Variants in PCDH7 observed in about 807,000 individuals in gnomAD.
PCDH7 encodes protocadherin-7.
Under a neutral mutation model 58.9 loss-of-function variants are expected in PCDH7, and 17 were observed. That is an observed-to-expected ratio of 0.29 (90% CI 0.20 to 0.43). The LOEUF is 0.43. Ranked by LOEUF, PCDH7 falls within the 20% of genes least tolerant of loss-of-function variation. The pLI is 1.00. For missense variants in PCDH7, 1,274 were observed against 1,441.0 expected (o/e 0.88, Z 1.88); for synonymous variants, 664 against 616.4 (o/e 1.08, Z -1.14).
chr4:30,790,518 G>T (rs1723977177), intron 1 of PCDH7, among the ~76,000 whole-genome samples: 1 of 152,190 alleles, frequency 6.6e-6, no homozygotes, highest in Non-Finnish European at 1.5e-5. Flanking sequence ...ATAACCAGTA[G>T]CTTGATGGAT....
At chr4:30,737,146 C>G (rs1577595322), downstream of PCDH7, among the ~76,000 whole-genome samples, 1 of 152,140 alleles carries the variant, frequency 6.6e-6, no homozygotes, top group Non-Finnish European at 1.5e-5. Flanking sequence ...AAGTCCCGTT[C>G]AAGTCTTGAA....
intron 3 of PCDH7, among the ~76,000 whole-genome samples, chr4:31,119,489 G>A (rs1022340697): frequency 3.3e-5 from 5 of 151,980 alleles, no homozygotes; most frequent in East Asian, 1.9e-4. Flanking sequence ...TTGACTCAGG[G>A]GCATAAGGCA....
chr4:31,088,225 TG>T (rs1712731781), intron 3 of PCDH7, among the ~76,000 whole-genome samples: 1 of 152,000 alleles, frequency 6.6e-6, no homozygotes, highest in Admixed American at 6.6e-5. Context: ...GAGCATCCAT[TG>T]GGGACATTGT....
chr4:30,824,107 C>CTTTCTTTCTTTCTTTT (rs1728755142), intron 1 of PCDH7, among the ~76,000 whole-genome samples: 1 of 136,738 alleles, frequency 7.3e-6, no homozygotes, highest in African/African-American at 2.8e-5. Context: ...TTCTTTCTTT[C>CTTTCTTTCTTTCTTTT]TTTCTTTCTT....
chr4:30,988,464 T>C (rs1248467996), intron 3 of PCDH7, among the ~76,000 whole-genome samples: 1 of 152,222 alleles, frequency 6.6e-6, no homozygotes, highest in Non-Finnish European at 1.5e-5. Context: ...ACATTTTCCA[T>C]ATGCACTGTC....
At chr4:30,799,657 C>T (rs993021580) in intron 1 of PCDH7, among the ~76,000 whole-genome samples, 5 of 151,962 alleles carry the variant, frequency 3.3e-5, no homozygotes, top group Admixed American at 2.0e-4. Context: ...ATTGCTGTTA[C>T]TCATGATGTG....
intron 3 of PCDH7, among the ~76,000 whole-genome samples, chr4:31,042,429 G>T (rs1229144691): frequency 6.6e-6 from 1 of 151,902 alleles, no homozygotes; most frequent in East Asian, 1.9e-4. Context: ...TGATTTTTTT[G>T]ATGAACAGTG....
rs530509955 is a variant in PCDH7, at chr4:30,755,558, G to T, written c.70+30962G>T. Among the ~76,000 whole-genome samples, 22 of 152,242 alleles carry T rather than the reference G, an allele frequency of 1.4e-4. No individual in the cohort carries two copies. In the East Asian group the frequency reaches 3.7e-3, roughly 25 times the overall value. ...AAAGTAGTCCCAGACACTGTCCTGAGAGCTTTACAAGGGGGAGATTGACTC... is the reference window on the plus strand; with the variant it reads ...AAAGTAGTCCCAGACACTGTCCTGATAGCTTTACAAGGGGGAGATTGACTC... On this transcript the variant is annotated intron_variant, in intron 1 of 3. Transcript: ENST00000509759.
intron 3 of PCDH7, among the ~76,000 whole-genome samples, chr4:31,014,467 A>C (rs1753452755): frequency 6.6e-6 from 1 of 152,156 alleles, no homozygotes; most frequent in South Asian, 2.1e-4. Flanking sequence ...AAGATGACAA[A>C]AGAAGAGAAG....
chr4:30,850,319 C>T (rs543661398), intron 1 of PCDH7, among the ~76,000 whole-genome samples: 61 of 152,128 alleles, frequency 4.0e-4, no homozygotes, highest in African/African-American at 1.2e-3. Context: ...GCGCTGAGTT[C>T]GCTTTCATAT....
intron 3 of PCDH7, among the ~76,000 whole-genome samples, chr4:31,066,964 T>G (rs1291995637): frequency 6.6e-6 from 1 of 151,888 alleles, no homozygotes; most frequent in African/African-American, 2.4e-5. Context: ...TCCCCAGGGA[T>G]AGTGGATGTA....
At chr4:31,137,583 G>A (rs1719762419) in intron 3 of PCDH7, among the ~76,000 whole-genome samples, 1 of 151,988 alleles carries the variant, frequency 6.6e-6, no homozygotes, top group Non-Finnish European at 1.5e-5. Flanking sequence ...GACCCTTCTC[G>A]AAAAATAAAA....
chr4:30,908,110 G>T (rs1332644936), intron 1 of PCDH7, among the ~76,000 whole-genome samples: 1 of 152,028 alleles, frequency 6.6e-6, no homozygotes, highest in East Asian at 1.9e-4. Flanking sequence ...GGGGTGAGGG[G>T]CTAGGGGAGG....
rs374766461 is a variant in PCDH7 at position 30,904,464 on chromosome 4, C to T, written c.71-15689C>T. 2.1e-4 allele frequency among the ~76,000 whole-genome samples: 32 copies of T among 152,204 alleles called. No homozygotes were observed. In the South Asian group the frequency reaches 6.2e-3, roughly 30 times the overall value. The stretch of plus-strand genomic sequence containing the variant: ...AAACTTTGTGATTATAATGGGCCCA[C>T]CCAGATGATTCAATAGACAATTTAC... On this transcript the variant is annotated intron_variant, in intron 1 of 3. Transcript: ENST00000509759.
chr4:30,945,899 A>C (rs993633238), intron 2 of PCDH7, among the ~76,000 whole-genome samples: 5 of 152,096 alleles, frequency 3.3e-5, no homozygotes, highest in Admixed American at 2.6e-4. Context: ...TGACCTCTCC[A>C]CACTCCAGCC....
chr4:31,057,267 A>G (rs1322893237), intron 3 of PCDH7, among the ~76,000 whole-genome samples: 1 of 152,144 alleles, frequency 6.6e-6, no homozygotes, highest in African/African-American at 2.4e-5. Context: ...TTAAATAATA[A>G]TCTCTCCTCC....
intron 3 of PCDH7, among the ~76,000 whole-genome samples, chr4:31,111,388 A>G (rs1716297131): frequency 6.6e-6 from 1 of 150,998 alleles, no homozygotes; most frequent in Non-Finnish European, 1.5e-5. Context: ...GCTCACTGCA[A>G]CCTCAGCCTC....
chr4:31,122,368 T>G (rs571596591), intron 3 of PCDH7, among the ~76,000 whole-genome samples: 2 of 152,144 alleles, frequency 1.3e-5, no homozygotes, highest in Admixed American at 6.5e-5. Context: ...AGCTTTTTTT[T>G]CAGAGAAGCA....
At chr4:31,069,878 T>A (rs181630203) in intron 3 of PCDH7, among the ~76,000 whole-genome samples, 1 of 152,008 alleles carries the variant, frequency 6.6e-6, no homozygotes, top group Non-Finnish European at 1.5e-5. Flanking sequence ...CTCCACTTGA[T>A]TCATTTGATG....
Sources: gnomAD v4.1 joint callset for allele counts (sites outside exome capture counted in the v4.1 genomes callset) on GRCh38, gnomAD v4.1.1 for gene constraint, MANE v1.5 for transcripts, NCBI Gene and HGNC (gene_info 2026-07-23, HGNC 2026-07-21) for gene names.